CLIP1: variants seen among roughly 807,000 people sequenced by gnomAD.
CLIP1 encodes CAP-Gly domain-containing linker protein 1.
Under a neutral mutation model 161.6 loss-of-function variants are expected in CLIP1, and 66 were observed. The ratio of observed to expected loss-of-function variants is 0.41; its 90% CI spans 0.33 to 0.50. The LOEUF is 0.50. CLIP1 is among the 20% of genes least tolerant of loss of function. CLIP1 has a pLI of 0.27. For synonymous variants in CLIP1, 598 were observed against 626.2 expected (o/e 0.96, Z 0.67); for missense variants, 1,376 against 1,702.0 (o/e 0.81, Z 3.37).
intron 1 of CLIP1, among the ~76,000 whole-genome samples, chr12:122,389,369 A>G (rs556445692): frequency 6.6e-6 from 1 of 152,356 alleles, no homozygotes; most frequent in Non-Finnish European, 1.5e-5. Context: ...AAATGACTCT[A>G]CAAACCAGCT....
chr12:122,361,744 T>C (rs1033183258), intron 4 of CLIP1, among the ~76,000 whole-genome samples: 3 of 152,042 alleles, frequency 2.0e-5, no homozygotes, highest in African/African-American at 7.2e-5. Flanking sequence ...TGCAGGAGGC[T>C]CTCTTGAGCC....
chr12:122,315,775 A>G (rs574937974), intron 19 of CLIP1, among the ~76,000 whole-genome samples: 107 of 151,380 alleles, frequency 7.1e-4, no homozygotes, highest in Middle Eastern at 6.8e-3. Flanking sequence ...TGAGTAGCTG[A>G]GACTACAGGC....
chr12:122,320,001 G>A (rs1269266441), intron 17 of CLIP1, among the ~76,000 whole-genome samples: 16 of 152,284 alleles, frequency 1.1e-4, no homozygotes, highest in South Asian at 2.1e-4. Context: ...TAGGCCGGGC[G>A]CAGTGGCTCA....
rs375698666 is a variant in CLIP1 at position 122,336,653 on chromosome 12, C to T, written c.2547G>A (p.Leu849=). The part of the protein sequence containing the change: ...LSEVSQVKET[L]EKELQILKEK... ...TTACCAAAATCTGAAGTTCTTTTTCCAAAGTCTCTTTCACTTGACTGACTT... is the reference window on the plus strand; with the variant it reads ...TTACCAAAATCTGAAGTTCTTTTTCTAAAGTCTCTTTCACTTGACTGACTT... Residue 849 remains leucine (L), a synonymous_variant, in exon 12 of 26, where the codon TTG becomes TTA. Transcript: ENST00000620786. The T allele has an allele frequency of 1.8e-5, 29 of 1,604,994 alleles. No homozygotes were observed. The African/African-American group carries it at 2.3e-4, about 13-fold the overall frequency.
rs150271052 is a variant in CLIP1, at chr12:122,278,147, A to G, written c.3966+7T>C. On this transcript the variant is annotated splice_region_variant and intron_variant, in intron 24 of 25. Coordinates refer to ENST00000620786, the MANE Select transcript of CLIP1 (RefSeq NM_001247997.2). The stretch of plus-strand genomic sequence containing the variant: ...AAGAAAGTAAAGCAATAAGGCAGGA[A>G]CATTACCTGACTCTCCTGGGCTCTT... 2.5e-6 allele frequency: 4 copies of G among 1,608,664 alleles called. No individual in the cohort carries two copies. The highest frequency in any genetic ancestry group is 2.5e-6 in the Non-Finnish European group (3 of 1,178,756).
intron 10 of CLIP1, among the ~76,000 whole-genome samples, chr12:122,346,382 T>G (rs1952750333): frequency 6.6e-6 from 1 of 152,180 alleles, no homozygotes; most frequent in African/African-American, 2.4e-5. Context: ...CTTTAATATA[T>G]AAATAAACTA....
chr12:122,410,905 C>T (rs1956506068), intron 1 of CLIP1, among the ~76,000 whole-genome samples: 1 of 152,102 alleles, frequency 6.6e-6, no homozygotes, highest in South Asian at 2.1e-4. Flanking sequence ...GATGAGATAC[C>T]ACACTGCACA....
Position 122,354,527 on chromosome 12 carries a change from G to T in CLIP1, c.1233C>A (p.Asp411Glu). ...CAGCTTCCACCATTGTTCGCAGCTG[G>T]TCCATTTTGGCTTCCAATTCCAGGA... is the stretch of plus-strand genomic sequence containing the variant. The part of the protein sequence containing the change: ...QHVLELEAKM[D>E]QLRTMVEAAD... The change falls in exon 7 of 26, where the codon GAC (aspartate) becomes GAA (glutamate). Residue 411 changes from aspartate (D) to glutamate (E), a missense_variant. Around this residue, in one of 6 missense-constraint regions of CLIP1, gnomAD observed 211 missense variants for 295.1 expected, o/e 0.72. Coordinates refer to ENST00000620786, the MANE Select transcript of CLIP1 (RefSeq NM_001247997.2). 1 of 1,613,870 alleles carries T rather than the reference G, an allele frequency of 6.2e-7. No individual in the cohort carries two copies. The highest frequency in any genetic ancestry group is 8.5e-7 in the Non-Finnish European group (1 of 1,179,874).
Position 122,287,958 on chromosome 12 carries a change from G to A in CLIP1, c.3647+531C>T, listed in dbSNP as rs936163818. On this transcript the variant is annotated intron_variant, in intron 21 of 25. Transcript: ENST00000620786. ...GACAATCTGATTTTAGATCACTTCT[G>A]AGTGAAAGCAACTGAACATGGCTTA... Among the ~76,000 whole-genome samples, 3 of 152,138 alleles carry A rather than the reference G, an allele frequency of 2.0e-5. 1 individual carries two copies. The highest frequency in any genetic ancestry group is 2.0e-4 in the Admixed American group (3 of 15,262).
intron 1 of CLIP1, among the ~76,000 whole-genome samples, chr12:122,382,903 C>A (rs113835216): frequency 6.6e-6 from 1 of 152,108 alleles, no homozygotes; most frequent in Non-Finnish European, 1.5e-5. Context: ...GGAGTCCCTA[C>A]GCTAAGGCCG....
At chr12:122,309,918 C>G in intron 19 of CLIP1, 36 bp from the exon 20 acceptor site, 3 of 1,609,832 alleles carry the variant, frequency 1.9e-6, no homozygotes, top group Non-Finnish European at 2.5e-6. Flanking sequence ...ACCATAGAAA[C>G]AAGACAGGCA....
rs896095142 is a variant in CLIP1, at chr12:122,394,404, G to C, written c.-106-13846C>G. Among the ~76,000 whole-genome samples the C allele has an allele frequency of 2.2e-5, 3 of 138,508 alleles. No homozygotes were observed. The Admixed American group carries it at 2.4e-4, about 11-fold the overall frequency. The allele number at this position is 138,508 out of a possible 152,430, so 90.9% of individuals were successfully genotyped here. A position where few individuals can be genotyped will look rare whatever the true frequency, so the allele number is the denominator to read the frequency against. On this transcript the variant is annotated intron_variant, in intron 1 of 25. Transcript: ENST00000620786. ...CTCTGGAGGCTCAGGCACGAGAATC[G>C]TTTGAAGCCGGGAAGCGGAGGTTGC...
chr12:122,414,230 T>C (rs1469368386), intron 1 of CLIP1, among the ~76,000 whole-genome samples: 4 of 152,008 alleles, frequency 2.6e-5, no homozygotes, highest in Admixed American at 6.6e-5. Flanking sequence ...CCTCCTGGGA[T>C]CAGATTTCTT....
In CLIP1 at chr12:122,278,565, G is replaced by A. The variant is rs910195003; in HGVS notation, c.3916+227C>T. Reference sequence around the variant, plus strand: ...GACCCCCCAGTCTGGATGGCAGCAGGCAGCCATCATAGTAGGTTTGTGACA... The same window carrying A: ...GACCCCCCAGTCTGGATGGCAGCAGACAGCCATCATAGTAGGTTTGTGACA... On this transcript the variant is annotated intron_variant, in intron 23 of 25. Coordinates refer to ENST00000620786, the MANE Select transcript of CLIP1 (RefSeq NM_001247997.2). 5.7e-6 allele frequency: 3 copies of A among 526,556 alleles called. No individual in the cohort carries two copies. The Admixed American group carries it at 1.1e-4, about 19-fold the overall frequency. 32.6% of individuals were successfully genotyped at this position (526,556 alleles called of 1,614,324 possible). A position where few individuals can be genotyped will look rare whatever the true frequency, so the allele number is the denominator to read the frequency against.
At chr12:122,331,930 G>T (rs1951989477) in intron 15 of CLIP1, among the ~76,000 whole-genome samples, 1 of 152,040 alleles carries the variant, frequency 6.6e-6, no homozygotes, top group Non-Finnish European at 1.5e-5. Context: ...GGGAGGTGAA[G>T]GCTGCAGTGA....
In CLIP1 at chr12:122,380,374, T is replaced by G; in HGVS notation, c.79A>C (p.Thr27Pro). 1 of 1,611,574 alleles carries G rather than the reference T, an allele frequency of 6.2e-7. No individual in the cohort carries two copies. Among genetic ancestry groups the G allele is most frequent in the South Asian group, 1.1e-5 (1 of 90,808 alleles). Residue 27 changes from threonine to proline, a missense_variant, in exon 2 of 26, where the codon ACG (threonine) becomes CCG (proline). Around this residue, in one of 6 missense-constraint regions of CLIP1, gnomAD observed 66 missense variants for 67.8 expected, o/e 0.97. Transcript: ENST00000620786. The stretch of plus-strand genomic sequence containing the variant: ...GAAAAGCGTAAAGTATTACCAGCCG[T>G]AGGTGTCTTCAGAGCTGTGCTTCCA... ...KPGSTALKTP[T>P]AVVAPVEKTI...
intron 1 of CLIP1, among the ~76,000 whole-genome samples, chr12:122,410,889 A>G (rs184196357): frequency 2.7e-4 from 41 of 152,302 alleles, no homozygotes; most frequent in African/African-American, 9.9e-4. Context: ...TACAAATCAA[A>G]ATCACGATGA....
At position 122,355,131 on chromosome 12, in the gene CLIP1, C is replaced by G. The variant is rs747451046; in HGVS notation, c.1187G>C (p.Arg396Pro). The G allele has an allele frequency of 1.9e-6, 3 of 1,614,114 alleles. No individual in the cohort carries two copies. Among genetic ancestry groups the G allele is most frequent in the South Asian group, 1.1e-5 (1 of 91,074 alleles). ...GEIEQELALA[R>P]DGHDQHVLEL... The stretch of plus-strand genomic sequence containing the variant: ...AGACTTCACCTGGTCATGTCCGTCC[C>G]GGGCCAGAGCTAGCTCCTGCTCTAT... Residue 396 changes from arginine to proline, a missense_variant, in exon 6 of 26, where the codon CGG becomes CCG. By Grantham distance (103) the Arg-to-Pro change is moderately radical. Around this residue, in one of 6 missense-constraint regions of CLIP1, gnomAD observed 211 missense variants for 295.1 expected, o/e 0.72. Transcript: ENST00000620786. The surrounding 1 kb of genome is among the most constrained non-coding windows in gnomAD (Gnocchi z 4.1).
chr12:122,374,723 C>T (rs1394368134), intron 3 of CLIP1, among the ~76,000 whole-genome samples: 1 of 152,082 alleles, frequency 6.6e-6, no homozygotes, highest in African/African-American at 2.4e-5. Flanking sequence ...GATCGCGCCA[C>T]TGCACTCTAG....
Sources: gnomAD v4.1 joint callset for allele counts (sites outside exome capture counted in the v4.1 genomes callset) on GRCh38, gnomAD v4.1.1 for gene constraint, gnomAD v4.1.1 regional missense constraint, Gnocchi (gnomAD v3.1) non-coding constraint, MANE v1.5 for transcripts, NCBI Gene and HGNC (gene_info 2026-07-23, HGNC 2026-07-21) for gene names.